MAGI1: variants seen among roughly 807,000 people sequenced by gnomAD.
The protein encoded by MAGI1 is membrane-associated guanylate kinase, WW and PDZ domain-containing protein 1.
Under a neutral mutation model 139.9 loss-of-function variants are expected in MAGI1, and 58 were observed. The ratio of observed to expected loss-of-function variants is 0.41; its 90% CI spans 0.34 to 0.52. The LOEUF is 0.52. Among genes scored for constraint, MAGI1 ranks in the 20% least tolerant of loss-of-function variants. The probability of loss-of-function intolerance (pLI) is 0.12; values close to 1 mark genes in which losing one functional copy is unlikely to be tolerated. For missense variants in MAGI1, 1,874 were observed against 1,901.6 expected (o/e 0.99, Z 0.27); for synonymous variants, 812 against 737.9 (o/e 1.10, Z -1.63).
intron 1 of MAGI1, among the ~76,000 whole-genome samples, chr3:65,994,799 G>C (rs1413753963): frequency 3.3e-5 from 5 of 152,162 alleles, no homozygotes; most frequent in Non-Finnish European, 7.3e-5. Flanking sequence ...TTCAACAGGA[G>C]GGGACTCTCT....
intron 2 of MAGI1, chr3:65,532,818 C>T (rs1047482045): frequency 2.6e-5 from 4 of 152,258 alleles, no homozygotes; most frequent in African/African-American, 9.7e-5. Flanking sequence ...GATCATTCCC[C>T]TTTTCTTTGC....
intron 1 of MAGI1, among the ~76,000 whole-genome samples, chr3:65,938,461 A>G (rs2063164348): frequency 6.6e-6 from 1 of 151,734 alleles, no homozygotes; most frequent in Non-Finnish European, 1.5e-5. Flanking sequence ...GAGTACTATT[A>G]ATATTTGCAG....
At chr3:65,981,811 C>T (rs934760979) in intron 1 of MAGI1, among the ~76,000 whole-genome samples, 16 of 152,148 alleles carry the variant, frequency 1.1e-4, no homozygotes, top group Admixed American at 2.6e-4. Flanking sequence ...CTTTTACCTT[C>T]CACCATGAGT....
chr3:65,687,926 C>A lies in MAGI1; in HGVS notation c.314-65838G>T. ...GTGCCTTAGCAGCCATTCGGCATGCCCGCTGGTTCAAGGAAAATGGCTCTC... is the reference window on the plus strand; with the variant it reads ...GTGCCTTAGCAGCCATTCGGCATGCACGCTGGTTCAAGGAAAATGGCTCTC... On this transcript the variant is annotated intron_variant, in intron 1 of 22. Transcript: ENST00000402939. 3 of 684,948 alleles carry A rather than the reference C, an allele frequency of 4.4e-6. No homozygotes were observed. The Admixed American group carries it at 5.4e-5, about 12-fold the overall frequency. 42.4% of individuals were successfully genotyped at this position (684,948 alleles called of 1,614,324 possible).
chr3:65,589,731 C>A (rs2081874060), intron 2 of MAGI1, among the ~76,000 whole-genome samples: 1 of 151,994 alleles, frequency 6.6e-6, no homozygotes, highest in South Asian at 2.1e-4. Context: ...AACCAGATGA[C>A]CAGGTTCCAG....
chr3:66,026,723 G>A (rs575083284), intron 1 of MAGI1, among the ~76,000 whole-genome samples: 6 of 152,122 alleles, frequency 3.9e-5, no homozygotes, highest in African/African-American at 1.2e-4. Context: ...ACTGATCAGA[G>A]AGAAGAGGAG....
chr3:65,542,035 C>A (rs2107911888), intron 2 of MAGI1, among the ~76,000 whole-genome samples: 1 of 152,232 alleles, frequency 6.6e-6, no homozygotes, highest in East Asian at 1.9e-4. Context: ...TCCTCTCAGC[C>A]CAAAATCTCC....
chr3:65,743,559 A>T (rs1464433416), intron 1 of MAGI1, among the ~76,000 whole-genome samples: 2 of 151,126 alleles, frequency 1.3e-5, no homozygotes, highest in Admixed American at 6.6e-5. Flanking sequence ...AATACAAAAA[A>T]TTAGCCGGGC....
At chr3:65,919,561 C>CA (rs565704281) in intron 1 of MAGI1, among the ~76,000 whole-genome samples, 247 of 143,878 alleles carry the variant, frequency 1.7e-3, no homozygotes, top group African/African-American at 3.3e-3. Context: ...GACCCTGTCT[C>CA]AAAAAAAAAC....
chr3:65,688,492 C>T, intron 1 of MAGI1: 1 of 452,500 alleles, frequency 2.2e-6, no homozygotes, highest in Non-Finnish European at 4.3e-6. Flanking sequence ...CCCTTTCCTA[C>T]CCAAGGGGGA....
chr3:65,549,173 C>G (rs1230143800), intron 2 of MAGI1, among the ~76,000 whole-genome samples: 1 of 152,114 alleles, frequency 6.6e-6, no homozygotes, highest in Admixed American at 6.5e-5. Context: ...AGGGACGCGA[C>G]CGCCAGCCTG....
At chr3:65,709,744 T>C (rs1559808182) in intron 1 of MAGI1, among the ~76,000 whole-genome samples, 1 of 152,238 alleles carries the variant, frequency 6.6e-6, no homozygotes, top group Non-Finnish European at 1.5e-5. Context: ...TCATTTCACG[T>C]TTTCACGTTG....
chr3:65,611,320 T>C (rs1198929187), intron 2 of MAGI1, among the ~76,000 whole-genome samples: 5 of 142,140 alleles, frequency 3.5e-5, no homozygotes, highest in Non-Finnish European at 7.6e-5. Context: ...TACATATATG[T>C]ACACTATATA....
chr3:65,754,395 G>C (rs1480988799), intron 1 of MAGI1, among the ~76,000 whole-genome samples: 3 of 152,134 alleles, frequency 2.0e-5, no homozygotes, highest in African/African-American at 7.2e-5. Flanking sequence ...TAGGGCACAG[G>C]AAAATTCATT....
At chr3:65,521,328 C>T (rs1039290593) in intron 2 of MAGI1, among the ~76,000 whole-genome samples, 11 of 152,230 alleles carry the variant, frequency 7.2e-5, no homozygotes, top group Non-Finnish European at 1.3e-4. Flanking sequence ...ACAGAGAAAC[C>T]TCCTAGCATA....
chr3:65,462,044 A>T (rs577919299), intron 5 of MAGI1, among the ~76,000 whole-genome samples: 13 of 152,294 alleles, frequency 8.5e-5, no homozygotes, highest in African/African-American at 2.6e-4. Context: ...ATAGATTCCA[A>T]ACATGTTCTC....
chr3:65,860,726 A>G (rs1353103663), intron 1 of MAGI1, among the ~76,000 whole-genome samples: 1 of 152,206 alleles, frequency 6.6e-6, no homozygotes, highest in Non-Finnish European at 1.5e-5. Context: ...TGCGTGCGGT[A>G]GGTTCACGGT....
chr3:65,422,958 T>C (rs760629133), intron 12 of MAGI1, among the ~76,000 whole-genome samples: 3 of 152,102 alleles, frequency 2.0e-5, no homozygotes, highest in Non-Finnish European at 4.4e-5. Flanking sequence ...TTTAAAGCAC[T>C]GTAGCTGGAG....
chr3:65,888,957 A>G (rs1420894090), intron 1 of MAGI1, among the ~76,000 whole-genome samples: 4 of 152,352 alleles, frequency 2.6e-5, no homozygotes, highest in Non-Finnish European at 2.9e-5. Flanking sequence ...GTTTATGTAT[A>G]TATTTATATA....
Sources: gnomAD v4.1 joint callset for allele counts (sites outside exome capture counted in the v4.1 genomes callset) on GRCh38, gnomAD v4.1.1 for gene constraint, MANE v1.5 for transcripts, NCBI Gene and HGNC (gene_info 2026-07-23, HGNC 2026-07-21) for gene names.